EDIL3: variants seen among roughly 807,000 people sequenced by gnomAD.
EDIL3 encodes EGF-like repeat and discoidin I-like domain-containing protein 3.
EDIL3 carries 37 observed loss-of-function variants against 67.4 expected under a neutral mutation model. The ratio of observed to expected loss-of-function variants is 0.55; its 90% CI spans 0.42 to 0.72. The LOEUF (loss-of-function observed/expected upper bound fraction) is 0.72. Ranked by LOEUF, EDIL3 falls within the 30% of genes least tolerant of loss-of-function variation. EDIL3 has a pLI of 0.00. For synonymous variants in EDIL3, 195 were observed against 196.3 expected, an observed-to-expected ratio of 0.99 and a Z score of 0.05; for missense variants, 527 against 586.3, an observed-to-expected ratio of 0.90 and a Z score of 1.04.
intron 1 of EDIL3, among the ~76,000 whole-genome samples, chr5:84,281,866 T>C (rs1422842268): frequency 8.6e-5 from 12 of 139,722 alleles, no homozygotes; most frequent in African/African-American, 3.2e-4. Context: ...TTTTTTTTTT[T>C]TTTTTTTTTT....
intron 1 of EDIL3, among the ~76,000 whole-genome samples, chr5:84,319,531 G>GAAAAA (rs1746588896): frequency 1.0e-5 from 1 of 99,814 alleles, no homozygotes; most frequent in Non-Finnish European, 2.1e-5. Flanking sequence ...AAAGAAATAG[G>GAAAAA]AATGCTTTTA....
chr5:83,958,519 C>T (rs1744553580), intron 10 of EDIL3, among the ~76,000 whole-genome samples: 1 of 151,430 alleles, frequency 6.6e-6, no homozygotes, highest in African/African-American at 2.4e-5. Flanking sequence ...TATGCTTTTA[C>T]AAAACCCTGG....
rs112932671 is a variant in EDIL3, at chr5:84,245,649, T to C, written c.196+8435A>G. ...GTAAAGATTTTTGGCATGTTTTACA[T>C]AGTATCATATAAGTGATTTGTGAGT... is the stretch of plus-strand genomic sequence containing the variant. On this transcript the variant is annotated intron_variant, in intron 2 of 10. Transcript: ENST00000296591. 3.2e-3 allele frequency among the ~76,000 whole-genome samples: 492 copies of C among 152,232 alleles called. 2 individuals are homozygous for C. The highest frequency in any genetic ancestry group is 0.011 in the African/African-American group (464 of 41,562).
At chr5:83,973,128 T>C (rs1313982747) in intron 9 of EDIL3, among the ~76,000 whole-genome samples, 4 of 152,074 alleles carry the variant, frequency 2.6e-5, no homozygotes, top group African/African-American at 7.2e-5. Context: ...AAAATCACCC[T>C]GGGTGAGCAG....
intron 1 of EDIL3, among the ~76,000 whole-genome samples, chr5:84,346,135 CTTTTTTTTTTTT>C (rs912729041): frequency 4.9e-5 from 6 of 122,898 alleles, no homozygotes; most frequent in African/African-American, 9.2e-5. Context: ...CTTTTTTTTT[CTTTTTTTTTTTT>C]TTTTTTGAAA....
chr5:84,075,318 G>C (rs148467085), intron 6 of EDIL3, among the ~76,000 whole-genome samples: 40,224 of 151,710 alleles, frequency 0.27, 5,653 homozygotes, highest in East Asian at 0.37. Flanking sequence ...CCTGCACATT[G>C]TGCACATGTA....
intron 1 of EDIL3, among the ~76,000 whole-genome samples, chr5:84,351,938 C>A (rs1023808768): frequency 6.6e-6 from 1 of 150,956 alleles, no homozygotes; most frequent in Admixed American, 6.6e-5. Context: ...AAACAGAGCT[C>A]AACAAGAAAA....
chr5:84,097,796 T>C (rs992876214), intron 6 of EDIL3, among the ~76,000 whole-genome samples: 3 of 151,974 alleles, frequency 2.0e-5, no homozygotes, highest in Non-Finnish European at 4.4e-5. Flanking sequence ...AATATTTTAC[T>C]ACAAATAGCT....
chr5:84,152,209 C>T (rs1344856539), intron 4 of EDIL3, among the ~76,000 whole-genome samples: 1 of 152,176 alleles, frequency 6.6e-6, no homozygotes, highest in Non-Finnish European at 1.5e-5. Context: ...TGAGCCACTG[C>T]TCCCAGCCCT....
At chr5:84,160,726 C>CT (rs758572761) in intron 4 of EDIL3, among the ~76,000 whole-genome samples, 5 of 136,510 alleles carry the variant, frequency 3.7e-5, no homozygotes, top group Non-Finnish European at 6.7e-5. Context: ...TCATTTTCTT[C>CT]TTTTTTTTCT....
chr5:84,367,536 C>A (rs1374613191), intron 1 of EDIL3, among the ~76,000 whole-genome samples: 3 of 152,268 alleles, frequency 2.0e-5, no homozygotes, highest in African/African-American at 7.2e-5. Flanking sequence ...AATCCCAGCA[C>A]TTTGGGAGGC....
chr5:83,979,847 G>T (rs746741739), intron 9 of EDIL3, among the ~76,000 whole-genome samples: 2 of 152,088 alleles, frequency 1.3e-5, no homozygotes, highest in Non-Finnish European at 2.9e-5. Context: ...CGGAGGTCAA[G>T]AATTCTCTTA....
chr5:83,955,625 TCTG>T (rs1439969729), intron 10 of EDIL3, among the ~76,000 whole-genome samples: 5 of 151,750 alleles, frequency 3.3e-5, no homozygotes, highest in African/African-American at 7.2e-5. Flanking sequence ...TTTCATAGCA[TCTG>T]TACTAGGTGG....
At chr5:84,176,671 T>C (rs1159132849) in intron 4 of EDIL3, among the ~76,000 whole-genome samples, 1 of 151,988 alleles carries the variant, frequency 6.6e-6, no homozygotes, top group Non-Finnish European at 1.5e-5. Flanking sequence ...AAAAATGCTT[T>C]TCAAAAGTTT....
chr5:84,029,511 G>A (rs915168563), intron 9 of EDIL3, among the ~76,000 whole-genome samples: 1 of 152,032 alleles, frequency 6.6e-6, no homozygotes, highest in Non-Finnish European at 1.5e-5. Context: ...AGTCCTAAGT[G>A]TAGATATATA....
At chr5:84,141,654 C>G (rs1250866429) in intron 4 of EDIL3, among the ~76,000 whole-genome samples, 2 of 148,684 alleles carry the variant, frequency 1.3e-5, no homozygotes, top group East Asian at 3.9e-4. Flanking sequence ...AAAGGAAACA[C>G]AAATTACTTT....
At chr5:84,213,584 C>A (rs1744171707) in intron 3 of EDIL3, among the ~76,000 whole-genome samples, 1 of 151,932 alleles carries the variant, frequency 6.6e-6, no homozygotes, top group African/African-American at 2.4e-5. Context: ...AATGTTGTAA[C>A]ATTTTAAATA....
chr5:84,113,978 G>A (rs1359782750), intron 5 of EDIL3, among the ~76,000 whole-genome samples: 3 of 152,040 alleles, frequency 2.0e-5, no homozygotes, highest in Non-Finnish European at 4.4e-5. Flanking sequence ...AGAAATTAAT[G>A]CTGATTCAAA....
At chr5:84,222,805 T>A (rs1744368279) in intron 3 of EDIL3, among the ~76,000 whole-genome samples, 1 of 151,838 alleles carries the variant, frequency 6.6e-6, no homozygotes, top group Non-Finnish European at 1.5e-5. Flanking sequence ...TCAGGATCTT[T>A]GCCCTCTCTT....
Sources: allele counts gnomAD v4.1 joint callset (sites outside exome capture counted in the v4.1 genomes callset), GRCh38; gene constraint gnomAD v4.1.1; transcripts MANE v1.5; gene names NCBI Gene and HGNC (gene_info 2026-07-23, HGNC 2026-07-21).